Variants in GBF1 observed in about 807,000 individuals in gnomAD.
GBF1 encodes the protein golgi brefeldin A resistant guanine nucleotide exchange factor 1.
A neutral mutation model predicts 210.5 loss-of-function variants in GBF1; 114 were observed. That is an observed-to-expected ratio of 0.54 (90% CI 0.47 to 0.63). GBF1 has a LOEUF of 0.63. GBF1 is among the 30% of genes least tolerant of loss of function. The pLI is 0.00. For synonymous variants in GBF1, 850 were observed against 889.2 expected, an observed-to-expected ratio of 0.96 and a Z score of 0.78; for missense variants, 1,851 against 2,357.7, an observed-to-expected ratio of 0.79 and a Z score of 4.45.
intron 3 of GBF1, among the ~76,000 whole-genome samples, chr10:102,318,475 G>A (rs1031195743): frequency 6.6e-6 from 1 of 151,964 alleles, no homozygotes; most frequent in Non-Finnish European, 1.5e-5. Flanking sequence ...ACAGGCATGA[G>A]CACCGTGCCC....
intron 4 of GBF1, among the ~76,000 whole-genome samples, chr10:102,350,020 C>T (rs1055458864): frequency 6.6e-6 from 1 of 151,996 alleles, no homozygotes. Context: ...GATTCTTGCT[C>T]GTCGTCATAT....
intron 3 of GBF1, among the ~76,000 whole-genome samples, chr10:102,277,829 T>C (rs1165346121): frequency 6.6e-6 from 1 of 152,216 alleles, no homozygotes; most frequent in Non-Finnish European, 1.5e-5. Context: ...CAATAAACTT[T>C]TATTATTTGT....
chr10:102,381,177 C>G lies in GBF1; in HGVS notation c.5224C>G (p.Leu1742Val). 6.2e-7 allele frequency: 1 copy of G among 1,613,940 alleles called. No individual in the cohort carries two copies. Among genetic ancestry groups the G allele is most frequent in the Admixed American group, 1.7e-5 (1 of 60,022 alleles). Residue 1742 changes from leucine (L) to valine (V), a missense_variant, in exon 39 of 40, where the codon CTG (leucine) becomes GTG (valine). Leu to Val is a conservative substitution (Grantham distance 32). Coordinates refer to ENST00000369983, the MANE Select transcript of GBF1 (RefSeq NM_001377137.1). ...QGQKPLASAH[L>V]TSAAGDTRTP... ...CCAAAAGCCTCTCGCCTCAGCCCAC[C>G]TGACTTCCGCTGCTGGCGACACTAG...
In GBF1 at chr10:102,380,726, G is replaced by C. The variant is rs191455686; in HGVS notation, c.5173+40G>C. 102 of 1,520,644 alleles carry C rather than the reference G, an allele frequency of 6.7e-5. No homozygotes were observed. The Admixed American group carries it at 7.8e-4, about 12-fold the overall frequency. The allele number at this position is 1,520,644 out of a possible 1,614,324, so 94.2% of individuals were successfully genotyped here. A position where few individuals can be genotyped will look rare whatever the true frequency, so the allele number is the denominator to read the frequency against. On this transcript the variant is annotated intron_variant, in intron 38 of 39. Transcript: ENST00000369983. Reference sequence around the variant, plus strand: ...CCAGCTTTATCAAAAAGAGTCTCCTGCCTGGGCACAATGGCTCACACCTCT... The same window carrying C: ...CCAGCTTTATCAAAAAGAGTCTCCTCCCTGGGCACAATGGCTCACACCTCT...
Position 102,363,505 on chromosome 10 carries a change from C to T in GBF1, c.2017+109C>T, listed in dbSNP as rs575019125. 1.4e-5 allele frequency: 15 copies of T among 1,088,692 alleles called. No homozygotes were observed. Among genetic ancestry groups the T allele is most frequent in the East Asian group, 1.2e-4 (5 of 41,986 alleles). The allele number at this position is 1,088,692 out of a possible 1,614,324, so 67.4% of individuals were successfully genotyped here. On this transcript the variant is annotated intron_variant, in intron 16 of 39. Coordinates refer to ENST00000369983, the MANE Select transcript of GBF1 (RefSeq NM_001377137.1). This position sits in a 1 kb window ranked among gnomAD's most constrained non-coding sequence, Gnocchi z 4.2. The stretch of plus-strand genomic sequence containing the variant: ...AGTAACTAAGCAAGCCTTGGTAGCC[C>T]GCCTCGCCTTCAGACTCAGAGAGAG...
rs2295585 is a variant in GBF1 at position 102,369,149 on chromosome 10, T to C, written c.2974-62T>C. Reference sequence around the variant, plus strand: ...GAGGGAACCATCATAGGCAGAGACCTAAGAGATTTTCCTTTCCAGACATTA... The same window carrying C: ...GAGGGAACCATCATAGGCAGAGACCCAAGAGATTTTCCTTTCCAGACATTA... On this transcript the variant is annotated intron_variant, in intron 23 of 39. Transcript: ENST00000369983. 240 of 1,232,904 alleles carry C rather than the reference T, an allele frequency of 1.9e-4. 1 individual carries two copies. In the East Asian group the frequency reaches 5.5e-3, roughly 28 times the overall value. The allele number at this position is 1,232,904 out of a possible 1,614,324, so 76.4% of individuals were successfully genotyped here.
chr10:102,285,642 A>G (rs968449821), intron 3 of GBF1, among the ~76,000 whole-genome samples: 1 of 152,096 alleles, frequency 6.6e-6, no homozygotes, highest in Non-Finnish European at 1.5e-5. Flanking sequence ...GATTTGTCTA[A>G]TAGTCACTGT....
chr10:102,293,850 T>G (rs2076684619), intron 3 of GBF1, among the ~76,000 whole-genome samples: 1 of 142,944 alleles, frequency 7.0e-6, no homozygotes, highest in South Asian at 2.3e-4. Flanking sequence ...TGATCTCTGC[T>G]CACTGCAAGC....
chr10:102,273,101 G>C (rs1434404956), intron 3 of GBF1, among the ~76,000 whole-genome samples: 3 of 152,156 alleles, frequency 2.0e-5, no homozygotes, highest in Non-Finnish European at 4.4e-5. Flanking sequence ...CCAGCACTTT[G>C]GGAGGCTGAG....
intron 3 of GBF1, among the ~76,000 whole-genome samples, chr10:102,299,516 C>T (rs939390087): frequency 6.6e-6 from 1 of 152,230 alleles, no homozygotes; most frequent in African/African-American, 2.4e-5. Flanking sequence ...GGCGCAGTGG[C>T]TCATGCCTGT....
the GBF1 span, among the ~76,000 whole-genome samples, chr10:102,240,126 C>T: frequency 8.5e-5 from 13 of 152,190 alleles, no homozygotes; most frequent in African/African-American, 2.9e-4. Context: ...AGCCATTGGT[C>T]GCCTGATACT....
intron 3 of GBF1, among the ~76,000 whole-genome samples, chr10:102,300,259 G>A (rs2077228637): frequency 6.6e-6 from 1 of 152,192 alleles, no homozygotes; most frequent in South Asian, 2.1e-4. Flanking sequence ...GGTCAAAGAA[G>A]GAGCTGGAAG....
At chr10:102,279,370 T>C (rs1018306264) in intron 3 of GBF1, among the ~76,000 whole-genome samples, 4 of 152,218 alleles carry the variant, frequency 2.6e-5, no homozygotes, top group Non-Finnish European at 5.9e-5. Context: ...TGGATTCTTT[T>C]TTTAAAATTT....
intron 4 of GBF1, among the ~76,000 whole-genome samples, chr10:102,347,722 G>A (rs766074617): frequency 6.6e-6 from 1 of 152,116 alleles, no homozygotes; most frequent in Non-Finnish European, 1.5e-5. Flanking sequence ...TTTAAAGAAG[G>A]GTTTAGGCTG....
intron 8 of GBF1, among the ~76,000 whole-genome samples, chr10:102,357,298 C>T (rs1317179367): frequency 6.6e-6 from 1 of 152,000 alleles, no homozygotes; most frequent in Non-Finnish European, 1.5e-5. Flanking sequence ...ACTAGCCTGG[C>T]CAACATAGTG....
At chr10:102,371,392 G>C (rs1221221633) in intron 29 of GBF1, among the ~76,000 whole-genome samples, 2 of 152,142 alleles carry the variant, frequency 1.3e-5, no homozygotes, top group African/African-American at 2.4e-5. Context: ...TTTGTATGAT[G>C]AAAACTACAA....
the GBF1 span, among the ~76,000 whole-genome samples, chr10:102,232,405 G>T: frequency 2.6e-5 from 4 of 152,160 alleles, no homozygotes; most frequent in Non-Finnish European, 4.4e-5. Flanking sequence ...ACTATAGGCC[G>T]GGCGCAGTGG....
chr10:102,273,162 G>A (rs2074600992), intron 3 of GBF1, among the ~76,000 whole-genome samples: 1 of 152,104 alleles, frequency 6.6e-6, no homozygotes, highest in Non-Finnish European at 1.5e-5. Flanking sequence ...CCAACATGGT[G>A]AAACCTTGTC....
In GBF1 at chr10:102,366,473, G is replaced by C. The variant is rs2059916783; in HGVS notation, c.2400G>C (p.Gln800His). Residue 800 changes from glutamine (Q) to histidine (H), a missense_variant, in exon 19 of 40, where the codon CAG (glutamine) becomes CAC (histidine). Physicochemically the swap from Gln to His is conservative, Grantham distance 24 (BLOSUM62 0). Around this residue, in one of 3 missense-constraint regions of GBF1, gnomAD observed 80 missense variants for 151.4 expected, o/e 0.53. Coordinates refer to ENST00000369983, the MANE Select transcript of GBF1 (RefSeq NM_001377137.1). The surrounding 1 kb of genome is among the most constrained non-coding windows in gnomAD (Gnocchi z 4.0). Reference protein sequence around the residue: ...FRLPGEAPVIQRLLEAFTERW... With the variant: ...FRLPGEAPVIHRLLEAFTERW... ...TGCCTGGGGAAGCACCAGTCATCCAGAGGTTGCTGGAGGCATTCACAGAGC... is the reference window on the plus strand; with the variant it reads ...TGCCTGGGGAAGCACCAGTCATCCACAGGTTGCTGGAGGCATTCACAGAGC... 6.2e-7 allele frequency: 1 copy of C among 1,613,990 alleles called. No homozygotes were observed. Among genetic ancestry groups the C allele is most frequent in the Non-Finnish European group, 8.5e-7 (1 of 1,179,888 alleles).
Sources: allele counts gnomAD v4.1 joint callset (sites outside exome capture counted in the v4.1 genomes callset), GRCh38; gene constraint gnomAD v4.1.1; regional missense constraint gnomAD v4.1.1; non-coding constraint Gnocchi (gnomAD v3.1); transcripts MANE v1.5; gene names NCBI Gene and HGNC (gene_info 2026-07-23, HGNC 2026-07-21).